Variants in CEP41 observed in about 807,000 individuals in gnomAD.
CEP41 encodes centrosomal protein 41, also known as centrosomal protein of 41 kDa.
CEP41 carries 32 observed loss-of-function variants against 44.3 expected under a neutral mutation model. That is an observed-to-expected ratio of 0.72 (90% CI 0.54 to 0.97). CEP41 has a LOEUF of 0.97. Among genes scored for constraint, CEP41 ranks in the 50% least tolerant of loss-of-function variants. The pLI is 0.00. For synonymous variants in CEP41, 151 were observed against 168.5 expected (o/e 0.90, Z 0.80); for missense variants, 432 against 455.2 (o/e 0.95, Z 0.46).
Position 130,402,345 on chromosome 7 carries a change from A to AC in CEP41, c.574+302_574+303insG, listed in dbSNP as rs1203137203. On this transcript the variant is annotated intron_variant, in intron 7 of 10. Coordinates refer to ENST00000223208, the MANE Select transcript of CEP41 (RefSeq NM_018718.3). The stretch of plus-strand genomic sequence containing the variant: ...TTGGCAACAGAGCAAGGTATTAACA[A>AC]AAAAAAAACAAAAAAAAAAATCAAC... 5.0e-3 allele frequency among the ~76,000 whole-genome samples: 751 copies of AC among 149,916 alleles called. 10 individuals carry two copies. The highest frequency in any genetic ancestry group is 0.021 in the Middle Eastern group (6 of 292).
Position 130,395,758 on chromosome 7 carries a change from T to C in CEP41, c.*3133A>G, listed in dbSNP as rs1554414227. 4.4e-6 allele frequency: 2 copies of C among 453,816 alleles called. No homozygotes were observed. The highest frequency in any genetic ancestry group is 3.1e-5 in the South Asian group (2 of 64,326). 28.1% of individuals were successfully genotyped at this position (453,816 alleles called of 1,614,324 possible). On this transcript the variant is annotated 3_prime_UTR_variant, in exon 11 of 11. Coordinates refer to ENST00000223208, the MANE Select transcript of CEP41 (RefSeq NM_018718.3). ...GCCTAAAGTCTTAAGAATTTTTGTA[T>C]AATTTAAATAGCACCACAGGAAAAA...
At chr7:130,417,107 C>T in intron 2 of CEP41, 141 bp from the exon 3 acceptor site, 1 of 1,420,416 alleles carries the variant, frequency 7.0e-7, no homozygotes, top group Admixed American at 2.2e-5. Flanking sequence ...AAACAGGCCA[C>T]ACACAGTAAA....
chr7:130,440,120 A>G (rs1233260567), intron 1 of CEP41, among the ~76,000 whole-genome samples: 1 of 152,164 alleles, frequency 6.6e-6, no homozygotes, highest in Non-Finnish European at 1.5e-5. Flanking sequence ...CCTGGGTTCA[A>G]GCGATTCTCC....
At chr7:130,402,401 A>T (rs1796878769) in intron 7 of CEP41, among the ~76,000 whole-genome samples, 1 of 152,156 alleles carries the variant, frequency 6.6e-6, no homozygotes, top group African/African-American at 2.4e-5. Context: ...TCTGTGAAAG[A>T]AAAGAAAGAG....
At chr7:130,412,316 G>A in intron 3 of CEP41, 76 bp from the exon 4 acceptor site, 1 of 773,216 alleles carries the variant, frequency 1.3e-6, no homozygotes, top group East Asian at 2.5e-5. Flanking sequence ...CAAGTGACGT[G>A]GTCTTTCAAG....
chr7:130,408,509 CAAAT>C (rs1271230820), intron 5 of CEP41, among the ~76,000 whole-genome samples: 1 of 152,062 alleles, frequency 6.6e-6, no homozygotes, highest in Non-Finnish European at 1.5e-5. Flanking sequence ...ATCTTACTAT[CAAAT>C]AAATAAAAAA....
rs1554419617 is a variant in CEP41, at chr7:130,411,172, A to G, written c.227T>C (p.Leu76Pro). The change falls in exon 5 of 11, where the codon CTC (leucine) becomes CCC (proline). Residue 76 changes from leucine (L) to proline (P), a missense_variant. Leu to Pro is a moderately conservative substitution (Grantham distance 98). Coordinates refer to ENST00000223208, the MANE Select transcript of CEP41 (RefSeq NM_018718.3). Reference protein sequence around the residue: ...FAQLIIQVASLSDQTLEVTAE... With the variant: ...FAQLIIQVASPSDQTLEVTAE... ...TGTCACTTCCAGTGTTTGATCAGAGAGGGAAGCAACTTGGATGATCTGATA... is the reference window on the plus strand; with the variant it reads ...TGTCACTTCCAGTGTTTGATCAGAGGGGGAAGCAACTTGGATGATCTGATA... The G allele has an allele frequency of 4.3e-6, 7 of 1,613,836 alleles. No homozygotes were observed. The highest frequency in any genetic ancestry group is 5.9e-6 in the Non-Finnish European group (7 of 1,179,834).
At chr7:130,431,264 A>G (rs146967515) in intron 1 of CEP41, among the ~76,000 whole-genome samples, 44 of 152,224 alleles carry the variant, frequency 2.9e-4, no homozygotes, top group African/African-American at 9.1e-4. Flanking sequence ...TCAATTACAT[A>G]AACAGGATGG....
chr7:130,418,248 T>A (rs1797391994), intron 2 of CEP41, among the ~76,000 whole-genome samples: 1 of 152,178 alleles, frequency 6.6e-6, no homozygotes, highest in Non-Finnish European at 1.5e-5. Flanking sequence ...AGAGAGACAC[T>A]GAATACCTCT....
intron 5 of CEP41, among the ~76,000 whole-genome samples, chr7:130,408,662 A>T (rs1204730770): frequency 6.6e-6 from 1 of 152,226 alleles, no homozygotes. Context: ...ACCATGCTGG[A>T]GAGAATGTGG....
chr7:130,422,758 G>A (rs1259175358), intron 2 of CEP41, among the ~76,000 whole-genome samples: 7 of 152,080 alleles, frequency 4.6e-5, no homozygotes, highest in Admixed American at 4.6e-4. Flanking sequence ...AACACACTTT[G>A]GCCCTTCCAA....
chr7:130,402,582 G>C, intron 7 of CEP41, 66 bp downstream of exon 7: 1 of 1,566,480 alleles, frequency 6.4e-7, no homozygotes, highest in Non-Finnish European at 8.8e-7. Context: ...GTTCCAGCCT[G>C]CCTAGACTCA....
upstream of CEP41, chr7:130,441,213 G>C (rs1411692819): frequency 1.5e-6 from 1 of 654,530 alleles, no homozygotes. Flanking sequence ...TGTTCTCTGG[G>C]CTGGGGCTCG....
At chr7:130,437,764 C>CAAAAAAAAAAA (rs1171735164) in intron 1 of CEP41, among the ~76,000 whole-genome samples, 2 of 32,406 alleles carry the variant, frequency 6.2e-5, no homozygotes, top group East Asian at 2.3e-3. Flanking sequence ...AAGACTGTCT[C>CAAAAAAAAAAA]AAAAAAAAAA....
At position 130,397,878 on chromosome 7, in the gene CEP41, A is replaced by G; in HGVS notation, c.*1013T>C. The G allele has an allele frequency of 4.4e-6, 2 of 452,972 alleles. No individual in the cohort carries two copies. The highest frequency in any genetic ancestry group is 8.9e-6 in the Non-Finnish European group (2 of 225,420). 28.1% of individuals were successfully genotyped at this position (452,972 alleles called of 1,614,324 possible). Reference sequence around the variant, plus strand: ...ATCACAGTTCAGTCATGAGAATGAAAAGTAAGCAGGAAATTGCACTAATTA... The same window carrying G: ...ATCACAGTTCAGTCATGAGAATGAAGAGTAAGCAGGAAATTGCACTAATTA... On this transcript the variant is annotated 3_prime_UTR_variant, in exon 11 of 11. Coordinates refer to ENST00000223208, the MANE Select transcript of CEP41 (RefSeq NM_018718.3).
rs575076953 is a variant in CEP41 at position 130,396,761 on chromosome 7, A to G, written c.*2130T>C. 1.5e-4 allele frequency: 69 copies of G among 454,330 alleles called. No individual in the cohort carries two copies. The East Asian group carries it at 4.4e-3, about 29-fold the overall frequency. The allele number at this position is 454,330 out of a possible 1,614,324, so 28.1% of individuals were successfully genotyped here. On this transcript the variant is annotated 3_prime_UTR_variant, in exon 11 of 11. Transcript: ENST00000223208. ...TTTAAAATCCTTACCAACAGGGCAA[A>G]GCAAGCACTGTGGAGAAATACACAT...
At chr7:130,411,546 T>C (rs1584882381) in intron 4 of CEP41, among the ~76,000 whole-genome samples, 2 of 152,216 alleles carry the variant, frequency 1.3e-5, no homozygotes, top group Admixed American at 1.3e-4. Context: ...TAGCATAACA[T>C]AGAATGGTAT....
In CEP41 at chr7:130,394,179, C is replaced by T. The variant is rs1554413531; in HGVS notation, c.*4712G>A. ...GGTTGTGCCCACCCAGAGTGAGAAG[C>T]ATAGAGCGGAGTGGCTGAAAGAACA... On this transcript the variant is annotated 3_prime_UTR_variant, in exon 11 of 11. Coordinates refer to ENST00000223208, the MANE Select transcript of CEP41 (RefSeq NM_018718.3). The T allele has an allele frequency of 2.2e-6, 1 of 454,056 alleles. No homozygotes were observed. Among genetic ancestry groups the T allele is most frequent in the East Asian group, 6.9e-5 (1 of 14,390 alleles). The allele number at this position is 454,056 out of a possible 1,614,324, so 28.1% of individuals were successfully genotyped here.
chr7:130,419,227 A>G, intron 2 of CEP41: 1 of 985,394 alleles, frequency 1.0e-6, no homozygotes, highest in Non-Finnish European at 1.2e-6. Context: ...AGGACTACTG[A>G]TGAGTTCTTT....
Sources: gnomAD v4.1 joint callset for allele counts (sites outside exome capture counted in the v4.1 genomes callset) on GRCh38, gnomAD v4.1.1 for gene constraint, MANE v1.5 for transcripts, NCBI Gene and HGNC (gene_info 2026-07-23, HGNC 2026-07-21) for gene names.